BRINP1: variants seen among roughly 807,000 people sequenced by gnomAD.
BRINP1 encodes the protein BMP/retinoic acid-inducible neural-specific protein 1.
Under a neutral mutation model 72.9 loss-of-function variants are expected in BRINP1, and 17 were observed. The ratio of observed to expected loss-of-function variants is 0.23; its 90% CI spans 0.16 to 0.35. The LOEUF (loss-of-function observed/expected upper bound fraction) is 0.35, where lower values mean the gene tolerates loss of function less well. Among genes scored for constraint, BRINP1 ranks in the 10% least tolerant of loss-of-function variants. BRINP1 has a pLI of 1.00. For missense variants in BRINP1, 850 were observed against 1,001.6 expected, an observed-to-expected ratio of 0.85 and a Z score of 2.04; for synonymous variants, 418 against 378.5, an observed-to-expected ratio of 1.10 and a Z score of -1.21.
At chr9:119,268,113 C>T (rs542994608) in intron 2 of BRINP1, among the ~76,000 whole-genome samples, 1 of 152,124 alleles carries the variant, frequency 6.6e-6, no homozygotes, top group African/African-American at 2.4e-5. Flanking sequence ...CGTGGTGGCA[C>T]ATGCCTGTAA....
intron 5 of BRINP1, among the ~76,000 whole-genome samples, chr9:119,221,229 A>G (rs967407315): frequency 3.9e-5 from 6 of 152,068 alleles, no homozygotes; most frequent in African/African-American, 1.4e-4. Flanking sequence ...CTGCTTGTCA[A>G]ATTCTGTCCA....
chr9:119,244,532 G>A (rs971223384), intron 3 of BRINP1, among the ~76,000 whole-genome samples: 2 of 152,146 alleles, frequency 1.3e-5, no homozygotes, highest in Non-Finnish European at 2.9e-5. Flanking sequence ...GAGTGGAAAG[G>A]TAAAAGTTAA....
intron 7 of BRINP1, among the ~76,000 whole-genome samples, chr9:119,174,780 T>C (rs917893357): frequency 6.6e-5 from 10 of 151,930 alleles, no homozygotes; most frequent in East Asian, 1.9e-4. Flanking sequence ...TGGAATACTA[T>C]GCATCCATAA....
intron 1 of BRINP1, among the ~76,000 whole-genome samples, chr9:119,338,298 A>G (rs1450946551): frequency 7.0e-6 from 1 of 143,394 alleles, no homozygotes; most frequent in East Asian, 2.0e-4. Flanking sequence ...TTTTTCTTTA[A>G]GCCAGCTAAG....
chr9:119,202,094 A>T (rs1285559409), intron 7 of BRINP1, among the ~76,000 whole-genome samples: 3 of 152,182 alleles, frequency 2.0e-5, no homozygotes, highest in Non-Finnish European at 2.9e-5. Flanking sequence ...AGGAGTAACA[A>T]GAAGGGATTC....
At chr9:119,283,714 G>A (rs939280844) in intron 2 of BRINP1, among the ~76,000 whole-genome samples, 1 of 152,090 alleles carries the variant, frequency 6.6e-6, no homozygotes, top group African/African-American at 2.4e-5. Flanking sequence ...TGTATTTTTA[G>A]TAGAGATGAG....
chr9:119,219,593 A>G (rs1830016507), intron 5 of BRINP1, among the ~76,000 whole-genome samples: 1 of 150,258 alleles, frequency 6.7e-6, no homozygotes, highest in African/African-American at 2.5e-5. Flanking sequence ...TGCTGTGGAT[A>G]CTAGGGTGAA....
At chr9:119,201,457 A>G (rs1829804589) in intron 7 of BRINP1, among the ~76,000 whole-genome samples, 1 of 152,132 alleles carries the variant, frequency 6.6e-6, no homozygotes. Flanking sequence ...AAGAAAGAAA[A>G]ATTACCTTAT....
intron 2 of BRINP1, among the ~76,000 whole-genome samples, chr9:119,303,752 G>A (rs992049896): frequency 6.6e-6 from 1 of 152,260 alleles, no homozygotes; most frequent in South Asian, 2.1e-4. Context: ...TGCAGTTGTT[G>A]GAAGTCCAGT....
chr9:119,368,978 G>A lies in BRINP1; in HGVS notation c.-51+78C>T. 2 of 390,594 alleles carry A rather than the reference G, an allele frequency of 5.1e-6. No homozygotes were observed. Among genetic ancestry groups the A allele is most frequent in the East Asian group, 7.2e-5 (2 of 27,614 alleles). The allele number at this position is 390,594 out of a possible 1,614,324, so 24.2% of individuals were successfully genotyped here. A position where few individuals can be genotyped will look rare whatever the true frequency, so the allele number is the denominator to read the frequency against. ...GGTAGGGGGAGGGGCAGAGGAGCGC[G>A]GGGACGCCCCGAATGCGGCCCGGGG... is the stretch of plus-strand genomic sequence containing the variant. On this transcript the variant is annotated intron_variant, in intron 1 of 7. Coordinates refer to ENST00000265922, the MANE Select transcript of BRINP1 (RefSeq NM_014618.3). This position sits in a 1 kb window ranked among gnomAD's most constrained non-coding sequence, Gnocchi z 4.7.
intron 4 of BRINP1, among the ~76,000 whole-genome samples, chr9:119,240,576 C>T (rs1056252789): frequency 6.6e-6 from 1 of 152,188 alleles, no homozygotes; most frequent in Non-Finnish European, 1.5e-5. Flanking sequence ...GAAAACCAGG[C>T]CTCTGCAGCA....
At chr9:119,194,682 TAGCAACAAAC>T (rs1829716756) in intron 7 of BRINP1, among the ~76,000 whole-genome samples, 2 of 152,188 alleles carry the variant, frequency 1.3e-5, no homozygotes, top group Admixed American at 1.3e-4. Flanking sequence ...ATAGAATCCC[TAGCAACAAAC>T]AGCAAGGAAA....
chr9:119,168,924 C>A (rs566797983), intron 7 of BRINP1, among the ~76,000 whole-genome samples: 1 of 152,078 alleles, frequency 6.6e-6, no homozygotes, highest in Non-Finnish European at 1.5e-5. Context: ...GACAGTGTGG[C>A]GATTCCTCAA....
In BRINP1 at chr9:119,187,107, C is replaced by T. The variant is rs1283516671; in HGVS notation, c.1146-18883G>A. Among the ~76,000 whole-genome samples, 6 of 151,728 alleles carry T rather than the reference C, an allele frequency of 4.0e-5. No homozygotes were observed. In the South Asian group the frequency reaches 1.2e-3, roughly 32 times the overall value. On this transcript the variant is annotated intron_variant, in intron 7 of 7. Coordinates refer to ENST00000265922, the MANE Select transcript of BRINP1 (RefSeq NM_014618.3). ...ATCTGGGCCTGAGCTACTGAAGTGC[C>T]TTGGAATCGTAATCCTCTGCTTGGT...
At chr9:119,300,619 A>C (rs557632559) in intron 2 of BRINP1, among the ~76,000 whole-genome samples, 1 of 152,334 alleles carries the variant, frequency 6.6e-6, no homozygotes, top group South Asian at 2.1e-4. Flanking sequence ...AAGCCAATGA[A>C]CATAAATAAA....
intron 2 of BRINP1, among the ~76,000 whole-genome samples, chr9:119,268,799 G>A (rs1437032295): frequency 6.6e-6 from 1 of 152,158 alleles, no homozygotes; most frequent in Non-Finnish European, 1.5e-5. Context: ...CACTTAGTAG[G>A]TGCTCAATAA....
chr9:119,222,030 A>C (rs535085233), intron 5 of BRINP1, among the ~76,000 whole-genome samples: 9 of 152,252 alleles, frequency 5.9e-5, no homozygotes, highest in Non-Finnish European at 1.2e-4. Flanking sequence ...AAACTTAAAC[A>C]AGTTCACATG....
chr9:119,356,308 G>A (rs1323293043), intron 1 of BRINP1, among the ~76,000 whole-genome samples: 1 of 152,116 alleles, frequency 6.6e-6, no homozygotes, highest in Non-Finnish European at 1.5e-5. Context: ...TCTCTCACCA[G>A]GCCATCTGGT....
chr9:119,264,706 C>T lies in BRINP1; in HGVS notation c.219-15556G>A, dbSNP rs542132063. Among the ~76,000 whole-genome samples the T allele has an allele frequency of 2.0e-5, 3 of 152,232 alleles. No homozygotes were observed. In the South Asian group the frequency reaches 6.2e-4, roughly 32 times the overall value. On this transcript the variant is annotated intron_variant, in intron 2 of 7. Coordinates refer to ENST00000265922, the MANE Select transcript of BRINP1 (RefSeq NM_014618.3). ...TTTTGTTTTGAGACAGAGTGTCGCT[C>T]ATCACCCAGGCTGGAGTGCAGTGGC...
Sources: gnomAD v4.1 joint callset for allele counts (sites outside exome capture counted in the v4.1 genomes callset) on GRCh38, gnomAD v4.1.1 for gene constraint, Gnocchi (gnomAD v3.1) non-coding constraint, MANE v1.5 for transcripts, NCBI Gene and HGNC (gene_info 2026-07-23, HGNC 2026-07-21) for gene names.